Variants in SLMAP observed in about 807,000 individuals in gnomAD.
The protein encoded by SLMAP is sarcolemma associated protein, also known as sarcolemmal membrane-associated protein.
A neutral mutation model predicts 128.8 loss-of-function variants in SLMAP; 44 were observed. The observed-to-expected ratio is 0.34, with a 90% CI of 0.27 to 0.44. The LOEUF (loss-of-function observed/expected upper bound fraction) is 0.44, where lower values mean the gene tolerates loss of function less well. SLMAP is among the 20% of genes least tolerant of loss of function. The pLI, the probability that SLMAP is intolerant of heterozygous loss-of-function variation, is 1.00. For missense variants in SLMAP, 787 were observed against 985.3 expected, an observed-to-expected ratio of 0.80 and a Z score of 2.69; for synonymous variants, 327 against 348.8, an observed-to-expected ratio of 0.94 and a Z score of 0.70.
chr3:57,772,722 C>A (rs2081123518), intron 2 of SLMAP, among the ~76,000 whole-genome samples: 1 of 151,906 alleles, frequency 6.6e-6, no homozygotes, highest in Admixed American at 6.6e-5. Flanking sequence ...CTCACCGCAA[C>A]CTTTGCCTCC....
intron 17 of SLMAP, among the ~76,000 whole-genome samples, chr3:57,906,314 T>TTTTTC: frequency 8.5e-6 from 1 of 117,468 alleles, no homozygotes; most frequent in African/African-American, 3.2e-5. Context: ...TTTTTTCTTT[T>TTTTTC]TTTTTTTTTT....
intron 2 of SLMAP, among the ~76,000 whole-genome samples, chr3:57,796,200 T>A (rs184111138): frequency 2.6e-5 from 4 of 152,326 alleles, no homozygotes; most frequent in Non-Finnish European, 1.5e-5. Context: ...GGAGGAGTTT[T>A]ATTAAGTGTT....
chr3:57,893,399 G>A (rs926114336), intron 15 of SLMAP, among the ~76,000 whole-genome samples: 1 of 151,666 alleles, frequency 6.6e-6, no homozygotes, highest in Admixed American at 6.6e-5. Context: ...GCTCCAGCCT[G>A]GGCAACAGAG....
At chr3:57,770,488 C>A (rs1422932271) in intron 2 of SLMAP, among the ~76,000 whole-genome samples, 1 of 152,092 alleles carries the variant, frequency 6.6e-6, no homozygotes, top group Non-Finnish European at 1.5e-5. Context: ...CAGAAGTTGA[C>A]AAAATTGGGG....
At chr3:57,814,641 C>A (rs1449687287) in intron 2 of SLMAP, among the ~76,000 whole-genome samples, 5 of 152,110 alleles carry the variant, frequency 3.3e-5, no homozygotes, top group African/African-American at 1.2e-4. Context: ...AGCATACTTA[C>A]ATACACATGA....
chr3:57,849,646 A>G, intron 5 of SLMAP, 108 bp from the exon 6 acceptor site: 1 of 676,852 alleles, frequency 1.5e-6, no homozygotes, highest in Middle Eastern at 3.5e-4. Flanking sequence ...TGTGATTTTA[A>G]TAACAGTTAT....
intron 2 of SLMAP, among the ~76,000 whole-genome samples, chr3:57,791,451 T>A (rs1006714044): frequency 6.6e-6 from 1 of 152,214 alleles, no homozygotes; most frequent in Non-Finnish European, 1.5e-5. Flanking sequence ...TTGTAAAGCA[T>A]GTATGTCAAA....
At chr3:57,768,604 G>T (rs1430586737) in intron 2 of SLMAP, among the ~76,000 whole-genome samples, 3 of 152,138 alleles carry the variant, frequency 2.0e-5, no homozygotes, top group Admixed American at 2.0e-4. Context: ...GGGGCTGAGG[G>T]TAATTAGGAA....
At chr3:57,836,900 C>T (rs1380924551) in intron 3 of SLMAP, among the ~76,000 whole-genome samples, 2 of 152,186 alleles carry the variant, frequency 1.3e-5, no homozygotes, top group Non-Finnish European at 2.9e-5. Flanking sequence ...ATTACAGTAA[C>T]CCTCTCTTGC....
chr3:57,815,664 G>T (rs771472604), intron 2 of SLMAP, among the ~76,000 whole-genome samples: 2 of 151,718 alleles, frequency 1.3e-5, no homozygotes, highest in Non-Finnish European at 1.5e-5. Flanking sequence ...TTAGAGCAGG[G>T]TCTCACCATC....
chr3:57,849,940 T>G, intron 6 of SLMAP, 124 bp downstream of exon 6: 2 of 637,142 alleles, frequency 3.1e-6, no homozygotes, highest in Non-Finnish European at 2.8e-6. Context: ...TTGGGAGGCC[T>G]AGGCAGAAGG....
intron 2 of SLMAP, among the ~76,000 whole-genome samples, chr3:57,774,552 T>C (rs1204804373): frequency 6.6e-6 from 1 of 150,686 alleles, no homozygotes; most frequent in African/African-American, 2.5e-5. Context: ...TGAGACGAAG[T>C]CTTACTCTGT....
chr3:57,919,750 G>T (rs548489654), intron 22 of SLMAP, among the ~76,000 whole-genome samples: 1 of 148,696 alleles, frequency 6.7e-6, no homozygotes, highest in Non-Finnish European at 1.5e-5. Flanking sequence ...AGCCAAGATC[G>T]CACCATTGCA....
chr3:57,845,213 T>C (rs2094184713), intron 4 of SLMAP, among the ~76,000 whole-genome samples: 1 of 152,168 alleles, frequency 6.6e-6, no homozygotes, highest in South Asian at 2.1e-4. Flanking sequence ...GCACCAACTT[T>C]GTTAGGGCCT....
intron 14 of SLMAP, among the ~76,000 whole-genome samples, chr3:57,884,830 AT>A (rs1045516667): frequency 1.3e-5 from 2 of 152,108 alleles, no homozygotes; most frequent in African/African-American, 4.8e-5. Flanking sequence ...AAATAAAAAA[AT>A]AAAAGTCTCC....
At chr3:57,864,236 C>T (rs904940136) in intron 10 of SLMAP, among the ~76,000 whole-genome samples, 15 of 152,176 alleles carry the variant, frequency 9.9e-5, no homozygotes, top group Admixed American at 5.2e-4. Context: ...GGAGAAACCC[C>T]GTCTCTTCTA....
At chr3:57,902,501 G>A (rs2153667851) in intron 17 of SLMAP, among the ~76,000 whole-genome samples, 1 of 152,274 alleles carries the variant, frequency 6.6e-6, no homozygotes, top group Non-Finnish European at 1.5e-5. Context: ...TGCATTTTGG[G>A]GAGGTTTATT....
chr3:57,833,805 T>C (rs1000028811), intron 3 of SLMAP, among the ~76,000 whole-genome samples: 1 of 151,812 alleles, frequency 6.6e-6, no homozygotes, highest in Non-Finnish European at 1.5e-5. Flanking sequence ...AAAAAAAAAC[T>C]TGCAACATTT....
intron 3 of SLMAP, among the ~76,000 whole-genome samples, chr3:57,838,504 G>A (rs991962703): frequency 1.3e-5 from 2 of 152,184 alleles, no homozygotes; most frequent in African/African-American, 2.4e-5. Context: ...AAGTACACAG[G>A]TTTTTAAACT....
Sources: gnomAD v4.1 joint callset for allele counts (sites outside exome capture counted in the v4.1 genomes callset) on GRCh38, gnomAD v4.1.1 for gene constraint, MANE v1.5 for transcripts, NCBI Gene and HGNC (gene_info 2026-07-23, HGNC 2026-07-21) for gene names.